ZMYND11: variants seen among roughly 807,000 people sequenced by gnomAD.
ZMYND11 encodes zinc finger MYND domain-containing protein 11.
ZMYND11 carries 9 observed loss-of-function variants against 84.9 expected under a neutral mutation model. That is an observed-to-expected ratio of 0.11 (90% CI 0.06 to 0.18). The LOEUF is 0.18. ZMYND11 is among the 10% of genes least tolerant of loss of function. The probability of loss-of-function intolerance (pLI) is 1.00; values close to 1 mark genes in which losing one functional copy is unlikely to be tolerated. For missense variants in ZMYND11, 409 were observed against 761.0 expected (o/e 0.54, Z 5.44); for synonymous variants, 250 against 244.1 (o/e 1.02, Z -0.23).
chr10:154,444 G>C (rs369081275), intron 1 of ZMYND11, among the ~76,000 whole-genome samples: 3 of 152,110 alleles, frequency 2.0e-5, no homozygotes, highest in African/African-American at 7.2e-5. Flanking sequence ...CATAGATGTC[G>C]AGACGGATGC....
In ZMYND11 at chr10:239,545, T is replaced by TTC; in HGVS notation, c.697+21_697+22insCT. On this transcript the variant is annotated intron_variant, in intron 7 of 14. Coordinates refer to ENST00000381604, the MANE Select transcript of ZMYND11 (RefSeq NM_001370100.5). The stretch of plus-strand genomic sequence containing the variant: ...ATGGAGGTTGAATATTTTTGTTTTT[T>TTC]TTGTATGCATTTTTAAACACACCAT... The TTC allele has an allele frequency of 6.4e-7, 1 of 1,555,336 alleles. No homozygotes were observed.
At chr10:200,827 C>T (rs1005709100) in intron 2 of ZMYND11, among the ~76,000 whole-genome samples, 3 of 151,962 alleles carry the variant, frequency 2.0e-5, no homozygotes, top group African/African-American at 7.3e-5. Flanking sequence ...GTTTTAGTTT[C>T]GCATTTTTAG....
intron 2 of ZMYND11, among the ~76,000 whole-genome samples, chr10:187,818 A>G (rs1639058610): frequency 6.6e-6 from 1 of 152,220 alleles, no homozygotes; most frequent in Non-Finnish European, 1.5e-5. Flanking sequence ...ATTTAATGAT[A>G]ATATGAAATT....
At chr10:207,149 C>T (rs557504788) in intron 2 of ZMYND11, among the ~76,000 whole-genome samples, 1 of 152,114 alleles carries the variant, frequency 6.6e-6, no homozygotes, top group Non-Finnish European at 1.5e-5. Context: ...TCATCCATGT[C>T]CCTACAAAGG....
At chr10:138,441 A>C (rs564944611) in intron 1 of ZMYND11, among the ~76,000 whole-genome samples, 1 of 152,148 alleles carries the variant, frequency 6.6e-6, no homozygotes, top group Non-Finnish European at 1.5e-5. Context: ...AATGGATGTC[A>C]TGCATGTTTC....
chr10:181,839 T>C (rs1166462965), intron 2 of ZMYND11, among the ~76,000 whole-genome samples: 2 of 152,180 alleles, frequency 1.3e-5, no homozygotes, highest in African/African-American at 4.8e-5. Flanking sequence ...ATTATTATGC[T>C]TTTAAATAAA....
chr10:228,134 T>C (rs1948436094), intron 4 of ZMYND11, among the ~76,000 whole-genome samples: 1 of 152,174 alleles, frequency 6.6e-6, no homozygotes, highest in South Asian at 2.1e-4. Context: ...CAGAGGATTT[T>C]AAAAATTGGA....
intron 4 of ZMYND11, among the ~76,000 whole-genome samples, chr10:224,866 G>C (rs1049391626): frequency 6.6e-5 from 10 of 152,110 alleles, no homozygotes; most frequent in Non-Finnish European, 1.5e-4. Flanking sequence ...ATATGCAAAT[G>C]CTATCCTGGA....
intron 1 of ZMYND11, among the ~76,000 whole-genome samples, chr10:171,023 A>G (rs1227960937): frequency 1.3e-5 from 2 of 152,178 alleles, no homozygotes; most frequent in African/African-American, 4.8e-5. Context: ...CAGAATAGCT[A>G]TATCAGTTTC....
rs541619174 is a variant in ZMYND11 at position 232,293 on chromosome 10, C to T, written c.439-4545C>T. 3.3e-5 allele frequency among the ~76,000 whole-genome samples: 5 copies of T among 152,176 alleles called. No individual in the cohort carries two copies. The South Asian group carries it at 1.0e-3, about 32-fold the overall frequency. On this transcript the variant is annotated intron_variant, in intron 4 of 14. Coordinates refer to ENST00000381604, the MANE Select transcript of ZMYND11 (RefSeq NM_001370100.5). ...CTCCACGGCTTGTTACCTTAGAAAT[C>T]CCCAGAAATCTCCTTGAACAGACCT...
chr10:243,843 C>T (rs376308335), intron 10 of ZMYND11, among the ~76,000 whole-genome samples: 6 of 152,044 alleles, frequency 3.9e-5, no homozygotes, highest in Admixed American at 6.6e-5. Flanking sequence ...CCAGCCTGGG[C>T]GACACAGTGA....
chr10:233,862 T>G (rs1431413648), intron 4 of ZMYND11, among the ~76,000 whole-genome samples: 3 of 152,248 alleles, frequency 2.0e-5, no homozygotes, highest in Admixed American at 6.5e-5. Flanking sequence ...TAGGGAAATG[T>G]TGCTTGCACA....
intron 1 of ZMYND11, among the ~76,000 whole-genome samples, chr10:143,987 G>C (rs1838084633): frequency 7.0e-6 from 1 of 142,362 alleles, no homozygotes; most frequent in South Asian, 2.3e-4. Context: ...CTGGGCCACA[G>C]AGCAAGACCC....
In ZMYND11 at chr10:226,113, G is replaced by C. The variant is rs117140822; in HGVS notation, c.438+4757G>C. ...TACCACTCCAAGAAAGCATCTTTAG[G>C]TATAAAATACTGATCTCTTGAGAGT... On this transcript the variant is annotated intron_variant, in intron 4 of 14. Coordinates refer to ENST00000381604, the MANE Select transcript of ZMYND11 (RefSeq NM_001370100.5). 1.2e-4 allele frequency among the ~76,000 whole-genome samples: 19 copies of C among 152,100 alleles called. No homozygotes were observed. In the East Asian group the frequency reaches 3.7e-3, roughly 29 times the overall value.
intron 2 of ZMYND11, among the ~76,000 whole-genome samples, chr10:198,992 C>G (rs952104620): frequency 6.6e-6 from 1 of 152,094 alleles, no homozygotes; most frequent in East Asian, 1.9e-4. Flanking sequence ...CAACCTAGTC[C>G]GTGGGTTCTT....
chr10:180,292 TACAC>T (rs1847575326), intron 2 of ZMYND11, among the ~76,000 whole-genome samples, 164 bp downstream of exon 2: 1 of 152,218 alleles, frequency 6.6e-6, no homozygotes, highest in African/African-American at 2.4e-5. Context: ...CACAGAAACA[TACAC>T]AAACAACTTG....
At chr10:241,231 A>T (rs1170536914) in intron 9 of ZMYND11, among the ~76,000 whole-genome samples, 2 of 152,156 alleles carry the variant, frequency 1.3e-5, no homozygotes, top group African/African-American at 4.8e-5. Context: ...GCTTGAGTGC[A>T]GTGGTGTGAT....
intron 3 of ZMYND11, among the ~76,000 whole-genome samples, chr10:211,493 C>G (rs1205975494): frequency 6.6e-6 from 1 of 152,176 alleles, no homozygotes. Flanking sequence ...AGCCAGCAAA[C>G]ATACTAACCT....
chr10:178,361 C>T (rs1347660787), intron 1 of ZMYND11, among the ~76,000 whole-genome samples: 1 of 152,160 alleles, frequency 6.6e-6, no homozygotes, highest in Non-Finnish European at 1.5e-5. Flanking sequence ...AAACTTTGTT[C>T]ATTTATCTGA....
Sources: gnomAD v4.1 joint callset for allele counts (sites outside exome capture counted in the v4.1 genomes callset) on GRCh38, gnomAD v4.1.1 for gene constraint, MANE v1.5 for transcripts, NCBI Gene and HGNC (gene_info 2026-07-23, HGNC 2026-07-21) for gene names.